The following ARL13B variants were observed in gnomAD, a reference collection of about 807,000 sequenced individuals.
ARL13B encodes the protein ADP-ribosylation factor-like protein 13B.
In ARL13B, 36 loss-of-function variants were observed where a neutral mutation model predicts 56.1. The ratio of observed to expected loss-of-function variants is 0.64; its 90% CI spans 0.49 to 0.85. The LOEUF is 0.85. Ranked by LOEUF, ARL13B falls within the 40% of genes least tolerant of loss-of-function variation. The pLI is 0.00. For missense variants in ARL13B, 519 were observed against 507.1 expected, an observed-to-expected ratio of 1.02 and a Z score of -0.23; for synonymous variants, 178 against 171.1, an observed-to-expected ratio of 1.04 and a Z score of -0.32.
chr3:94,045,063 A>G (rs923183010), intron 7 of ARL13B, among the ~76,000 whole-genome samples: 9 of 152,012 alleles, frequency 5.9e-5, no homozygotes, highest in Admixed American at 2.0e-4. Context: ...CTGTGTAGAA[A>G]GAAGTAGACA....
In ARL13B at chr3:94,053,833, T is replaced by C; in HGVS notation, c.*570T>C. 3.3e-6 allele frequency: 1 copy of C among 302,222 alleles called. No homozygotes were observed. Among genetic ancestry groups the C allele is most frequent in the South Asian group, 3.1e-5 (1 of 32,352 alleles). 18.7% of individuals were successfully genotyped at this position (302,222 alleles called of 1,614,324 possible). A position where few individuals can be genotyped will look rare whatever the true frequency, so the allele number is the denominator to read the frequency against. On this transcript the variant is annotated 3_prime_UTR_variant, in exon 10 of 10. Transcript: ENST00000394222. ...TTGATTTACTTTCAGACATGAACTA[T>C]ACAAACAGGATATATTTATATGGCT...
intron 3 of ARL13B, among the ~76,000 whole-genome samples, chr3:94,020,583 A>G (rs1043550183): frequency 6.6e-6 from 1 of 152,224 alleles, no homozygotes; most frequent in Non-Finnish European, 1.5e-5. Context: ...GGTTGGGAAA[A>G]GAGCCAGATC....
rs778540135 is a variant in ARL13B, at chr3:94,039,905, G to A, written c.715G>A (p.Glu239Lys). 16 of 1,613,924 alleles carry A rather than the reference G, an allele frequency of 9.9e-6. No individual in the cohort carries two copies. The highest frequency in any genetic ancestry group is 9.9e-5 in the South Asian group (9 of 91,054). Reference sequence around the variant, plus strand: ...AAAACAAAATGAACAGGAGCAGGCTGAACTCGATGGAACCAGTGGTCTGGC... The same window carrying A: ...AAAACAAAATGAACAGGAGCAGGCTAAACTCGATGGAACCAGTGGTCTGGC... ...ERKQNEQEQA[E>K]LDGTSGLAEL... The change falls in exon 6 of 10, where the codon GAA (glutamate) becomes AAA (lysine). Residue 239 changes from glutamate to lysine, a missense_variant. Transcript: ENST00000394222.
At chr3:94,045,528 C>A (rs2076967468) in intron 7 of ARL13B, among the ~76,000 whole-genome samples, 1 of 150,990 alleles carries the variant, frequency 6.6e-6, no homozygotes. Context: ...TAAGGCAATT[C>A]CAAACAAATC....
intron 1 of ARL13B, among the ~76,000 whole-genome samples, chr3:93,990,793 T>C (rs2075862306): frequency 6.6e-6 from 1 of 152,186 alleles, no homozygotes. Flanking sequence ...CATAATGTGA[T>C]TGGTATTTTC....
At chr3:94,030,791 A>C (rs1027315780) in intron 3 of ARL13B, among the ~76,000 whole-genome samples, 10 of 152,220 alleles carry the variant, frequency 6.6e-5, no homozygotes, top group African/African-American at 2.4e-4. Flanking sequence ...AATCATATTG[A>C]TATTATTATG....
intron 1 of ARL13B, among the ~76,000 whole-genome samples, chr3:93,985,526 T>C (rs1205946283): frequency 6.6e-6 from 1 of 152,234 alleles, no homozygotes; most frequent in Non-Finnish European, 1.5e-5. Flanking sequence ...ACAAAATTCT[T>C]TGTTTATATG....
chr3:94,036,745 G>A lies in ARL13B; in HGVS notation c.680G>A (p.Arg227Gln), dbSNP rs144084038. The A allele has an allele frequency of 9.9e-6, 16 of 1,609,696 alleles. No homozygotes were observed. Among genetic ancestry groups the A allele is most frequent in the Admixed American group, 1.7e-5 (1 of 59,862 alleles). ...QERAERVRKL[R>Q]EERKQNEQEQ... ...AGAGCTGAACGAGTGCGAAAATTAC[G>A]AGAAGAAAGGTAAGTAGATTAATTT... The change falls in exon 5 of 10, where the codon CGA (arginine) becomes CAA (glutamine). Residue 227 changes from arginine (R) to glutamine (Q), a missense_variant. Transcript: ENST00000394222.
At chr3:94,032,475 A>G (rs1263531005) in intron 3 of ARL13B, among the ~76,000 whole-genome samples, 1 of 152,152 alleles carries the variant, frequency 6.6e-6, no homozygotes, top group Non-Finnish European at 1.5e-5. Flanking sequence ...TACAATCACT[A>G]TGGAAAACAG....
At chr3:94,030,388 G>C (rs1481706410) in intron 3 of ARL13B, among the ~76,000 whole-genome samples, 1 of 127,902 alleles carries the variant, frequency 7.8e-6, no homozygotes, top group Non-Finnish European at 1.6e-5. Flanking sequence ...CACCACGCCT[G>C]GCTCATTTTT....
At chr3:94,024,382 CAG>C (rs1409482191) in intron 3 of ARL13B, among the ~76,000 whole-genome samples, 1 of 152,148 alleles carries the variant, frequency 6.6e-6, no homozygotes, top group Non-Finnish European at 1.5e-5. Context: ...TCAAACAAAA[CAG>C]ATTTTGATTT....
At chr3:94,033,178 A>T (rs767370987) in intron 3 of ARL13B, among the ~76,000 whole-genome samples, 2 of 152,212 alleles carry the variant, frequency 1.3e-5, no homozygotes, top group African/African-American at 2.4e-5. Flanking sequence ...ACACATTGAC[A>T]TGGAGTGTGG....
At chr3:94,037,939 C>T (rs1270521029) in intron 5 of ARL13B, among the ~76,000 whole-genome samples, 4 of 152,066 alleles carry the variant, frequency 2.6e-5, no homozygotes, top group Non-Finnish European at 5.9e-5. Context: ...CAGTTGTGGT[C>T]TGAGACCTCT....
chr3:94,025,490 G>C (rs1041502986), intron 3 of ARL13B, among the ~76,000 whole-genome samples: 2 of 152,144 alleles, frequency 1.3e-5, no homozygotes, highest in Admixed American at 1.3e-4. Context: ...ACATTATTAG[G>C]TTATTTCTAG....
intron 3 of ARL13B, among the ~76,000 whole-genome samples, chr3:94,018,490 C>T (rs1201922505): frequency 6.6e-6 from 1 of 152,048 alleles, no homozygotes; most frequent in African/African-American, 2.4e-5. Context: ...TACTCCTTAT[C>T]TCCCCCACCT....
rs1575916667 is a variant in ARL13B, at chr3:93,981,913, A to G, written c.59+1431A>G. Among the ~76,000 whole-genome samples, 12 of 143,844 alleles carry G rather than the reference A, an allele frequency of 8.3e-5. No individual in the cohort carries two copies. In the South Asian group the frequency reaches 2.8e-3, roughly 34 times the overall value. 94.4% of individuals were successfully genotyped at this position (143,844 alleles called of 152,430 possible). ...AAGAAAAAAGTCAAAGAGTTGTTTT[A>G]GGTGCATAGATTCTGATTTATTTGC... On this transcript the variant is annotated intron_variant, in intron 1 of 9. Transcript: ENST00000394222.
chr3:93,996,724 A>G, intron 2 of ARL13B: 1 of 312,104 alleles, frequency 3.2e-6, no homozygotes, highest in Non-Finnish European at 6.9e-6. Flanking sequence ...ATATAGCAGT[A>G]TCTATGCTAG....
In ARL13B at chr3:93,980,453, C is replaced by G; in HGVS notation, c.30C>G (p.Gly10=). 6.2e-7 allele frequency: 1 copy of G among 1,612,510 alleles called. No individual in the cohort carries two copies. The highest frequency in any genetic ancestry group is 8.5e-7 in the Non-Finnish European group (1 of 1,179,986). The change falls in exon 1 of 10, where the codon GGC becomes GGG. Residue 10 remains glycine (G), a synonymous_variant. Coordinates refer to ENST00000394222, the MANE Select transcript of ARL13B (RefSeq NM_001174150.2). ...TCAGTCTGATGGCCAGTTGCTGCGG[C>G]TGGTTCAAGCGGTGGCGGGAGCCTG... MFSLMASCC[G]WFKRWREPVR... is the part of the protein sequence containing the mutation.
At chr3:94,032,429 A>G (rs769958834) in intron 3 of ARL13B, among the ~76,000 whole-genome samples, 8 of 152,272 alleles carry the variant, frequency 5.3e-5, no homozygotes, top group Non-Finnish European at 8.8e-5. Flanking sequence ...TTGTGTAGCA[A>G]AAGGAATGTT....
Sources: gnomAD v4.1 joint callset for allele counts (sites outside exome capture counted in the v4.1 genomes callset) on GRCh38, gnomAD v4.1.1 for gene constraint, MANE v1.5 for transcripts, NCBI Gene and HGNC (gene_info 2026-07-23, HGNC 2026-07-21) for gene names.